Variants in VPS50 observed in about 807,000 individuals in gnomAD.
VPS50 encodes VPS50 subunit of EARP/GARPII complex, also known as syndetin.
VPS50 carries 70 observed loss-of-function variants against 139.7 expected under a neutral mutation model. That is an observed-to-expected ratio of 0.50 (90% CI 0.41 to 0.61). The LOEUF is 0.61. Ranked by LOEUF, VPS50 falls within the 20% of genes least tolerant of loss-of-function variation. VPS50 has a pLI of 0.00. For synonymous variants in VPS50, 365 were observed against 376.7 expected (o/e 0.97, Z 0.36); for missense variants, 921 against 1,133.7 (o/e 0.81, Z 2.69).
intron 4 of VPS50, 39 bp downstream of exon 4, chr7:93,253,970 C>T: frequency 9.1e-7 from 1 of 1,093,520 alleles, no homozygotes; most frequent in Admixed American, 1.9e-5. Context: ...TGGCAAAACT[C>T]TAGATGAAAC....
At chr7:93,317,969 G>A (rs752956431) in intron 20 of VPS50, among the ~76,000 whole-genome samples, 9 of 151,516 alleles carry the variant, frequency 5.9e-5, no homozygotes, top group South Asian at 2.1e-4. Flanking sequence ...TTAAGTTATC[G>A]TTTAAGAAAA....
intron 21 of VPS50, among the ~76,000 whole-genome samples, chr7:93,330,749 G>A (rs1014555761): frequency 2.0e-5 from 2 of 101,698 alleles, no homozygotes; most frequent in East Asian, 3.0e-4. Flanking sequence ...GCAACAGAGC[G>A]AGACCCTGTC....
chr7:93,274,703 A>T (rs1433910484), intron 11 of VPS50, among the ~76,000 whole-genome samples: 2 of 152,188 alleles, frequency 1.3e-5, no homozygotes, highest in Non-Finnish European at 2.9e-5. Flanking sequence ...TTCAAGTCAT[A>T]CTACTTAAGA....
chr7:93,297,997 G>A (rs1796860388), intron 16 of VPS50, among the ~76,000 whole-genome samples: 1 of 152,088 alleles, frequency 6.6e-6, no homozygotes, highest in Non-Finnish European at 1.5e-5. Flanking sequence ...TGGTCCCAGA[G>A]AGAGTCATGA....
At chr7:93,280,049 C>T (rs760733930) in intron 12 of VPS50, among the ~76,000 whole-genome samples, 4 of 152,086 alleles carry the variant, frequency 2.6e-5, no homozygotes, top group African/African-American at 4.8e-5. Flanking sequence ...TTTTTATTTA[C>T]TCTGGTATAC....
chr7:93,276,665 A>C (rs929960845), intron 12 of VPS50, among the ~76,000 whole-genome samples: 1 of 152,114 alleles, frequency 6.6e-6, no homozygotes, highest in Non-Finnish European at 1.5e-5. Context: ...CAGTTTTTTC[A>C]TGTGTATGAA....
At chr7:93,297,451 T>C (rs1796843785) in intron 16 of VPS50, among the ~76,000 whole-genome samples, 1 of 152,114 alleles carries the variant, frequency 6.6e-6, no homozygotes. Flanking sequence ...TAATATATTT[T>C]TGTCTTGAGG....
At chr7:93,347,691 T>C (rs1391410409) in intron 23 of VPS50, among the ~76,000 whole-genome samples, 9 of 147,418 alleles carry the variant, frequency 6.1e-5, no homozygotes, top group African/African-American at 2.3e-4. Context: ...ATGGATGAAA[T>C]TGGAAATCAT....
At chr7:93,282,244 A>G (rs146004818) in intron 12 of VPS50, among the ~76,000 whole-genome samples, 67 of 152,174 alleles carry the variant, frequency 4.4e-4, no homozygotes, top group Admixed American at 2.8e-3. Flanking sequence ...ATTTCAGTAA[A>G]TATGCTACTT....
At chr7:93,358,095 GCTTA>G (rs1302275044) in intron 27 of VPS50, among the ~76,000 whole-genome samples, 2 of 152,226 alleles carry the variant, frequency 1.3e-5, no homozygotes, top group East Asian at 3.9e-4. Context: ...AGATTCTAGT[GCTTA>G]CTGTTTCAAA....
Position 93,305,933 on chromosome 7 carries a change from G to C in VPS50, c.1558G>C (p.Gly520Arg). The part of the protein sequence containing the change: ...TVTLFEQYCS[G>R]GNPFEIQANH... The stretch of plus-strand genomic sequence containing the variant: ...GACCTTGTTTGAGCAGTACTGTAGT[G>C]GTGGGAATCCATTTGAAATTCAGGC... The change falls in exon 18 of 28, where the codon GGT becomes CGT. Residue 520 changes from glycine (G) to arginine (R), a missense_variant. Gly to Arg is a moderately radical substitution (Grantham distance 125). Around this residue, in one of 3 missense-constraint regions of VPS50, gnomAD observed 744 missense variants for 930.6 expected, o/e 0.80. Coordinates refer to ENST00000305866, the MANE Select transcript of VPS50 (RefSeq NM_017667.4). The C allele has an allele frequency of 6.2e-7, 1 of 1,612,196 alleles. No homozygotes were observed. Among genetic ancestry groups the C allele is most frequent in the Non-Finnish European group, 8.5e-7 (1 of 1,178,512 alleles).
chr7:93,273,773 T>C (rs181146573), intron 11 of VPS50, among the ~76,000 whole-genome samples: 11 of 152,270 alleles, frequency 7.2e-5, no homozygotes, highest in Admixed American at 7.2e-4. Context: ...TTTCAGATAC[T>C]GTGTTATTTA....
At chr7:93,278,630 T>C (rs998849040) in intron 12 of VPS50, among the ~76,000 whole-genome samples, 1 of 151,392 alleles carries the variant, frequency 6.6e-6, no homozygotes, top group Non-Finnish European at 1.5e-5. Context: ...AAAATAATCT[T>C]TTGAAGTAGT....
intron 20 of VPS50, among the ~76,000 whole-genome samples, chr7:93,318,310 TA>T (rs1041801682): frequency 1.2e-4 from 19 of 152,148 alleles, no homozygotes; most frequent in African/African-American, 4.3e-4. Flanking sequence ...ATATAATATT[TA>T]AAAAATAAAC....
At position 93,294,679 on chromosome 7, in the gene VPS50, AATGTC is replaced by A. The variant is rs759392716; in HGVS notation, c.1167+51_1167+55del. On this transcript the variant is annotated intron_variant, in intron 14 of 27. Transcript: ENST00000305866. ...TTATTTTTTTCACAGAAGCAATAGA[AATGTC>A]ATGTCATAGTTTTAGAAATTCAGTT... The A allele has an allele frequency of 4.4e-5, 63 of 1,417,932 alleles. No individual in the cohort carries two copies. The Admixed American group carries it at 1.1e-3, about 26-fold the overall frequency. 87.8% of individuals were successfully genotyped at this position (1,417,932 alleles called of 1,614,324 possible).
chr7:93,275,545 A>T (rs1016953643), intron 11 of VPS50, among the ~76,000 whole-genome samples: 1 of 152,160 alleles, frequency 6.6e-6, no homozygotes, highest in Non-Finnish European at 1.5e-5. Context: ...GCAATTTTTT[A>T]AAATTAAGGT....
At chr7:93,270,733 G>A (rs1304247324) in intron 9 of VPS50, among the ~76,000 whole-genome samples, 1 of 151,476 alleles carries the variant, frequency 6.6e-6, no homozygotes, top group African/African-American at 2.4e-5. Context: ...AACATTTGGT[G>A]GTGTCATTTT....
intron 21 of VPS50, among the ~76,000 whole-genome samples, chr7:93,325,645 T>C (rs185496222): frequency 8.5e-5 from 13 of 152,140 alleles, no homozygotes; most frequent in East Asian, 1.9e-4. Context: ...AGGATATAAA[T>C]AGACACTTCT....
intron 1 of VPS50, among the ~76,000 whole-genome samples, chr7:93,233,966 T>C (rs900264597): frequency 2.0e-5 from 3 of 152,238 alleles, no homozygotes; most frequent in African/African-American, 7.2e-5. Flanking sequence ...GCTATGTTGA[T>C]GGTGGGAAAG....
Sources: allele counts gnomAD v4.1 joint callset (sites outside exome capture counted in the v4.1 genomes callset), GRCh38; gene constraint gnomAD v4.1.1; regional missense constraint gnomAD v4.1.1; transcripts MANE v1.5; gene names NCBI Gene and HGNC (gene_info 2026-07-23, HGNC 2026-07-21).